GRID2: variants seen among roughly 807,000 people sequenced by gnomAD.
GRID2 encodes the protein glutamate receptor ionotropic, delta-2.
Under a neutral mutation model 114.8 loss-of-function variants are expected in GRID2, and 33 were observed. That is an observed-to-expected ratio of 0.29 (90% CI 0.22 to 0.38). The LOEUF is 0.38. GRID2 is among the 10% of genes least tolerant of loss of function. The probability of loss-of-function intolerance (pLI) is 1.00; values close to 1 mark genes in which losing one functional copy is unlikely to be tolerated. For missense variants in GRID2, 1,184 were observed against 1,257.7 expected (o/e 0.94, Z 0.89); for synonymous variants, 505 against 449.9 (o/e 1.12, Z -1.55).
chr4:92,760,255 A>AG (rs1179645026), intron 2 of GRID2, among the ~76,000 whole-genome samples: 22 of 150,660 alleles, frequency 1.5e-4, no homozygotes, highest in Non-Finnish European at 1.9e-4. Context: ...AAAAAAAAAA[A>AG]AAAAAAGAAA....
intron 2 of GRID2, among the ~76,000 whole-genome samples, chr4:92,949,136 G>GTGTGTGTGTGTGTC (rs555446695): frequency 0.015 from 2,203 of 151,572 alleles, 16 homozygotes; most frequent in East Asian, 0.052. Flanking sequence ...AAGAAAATGT[G>GTGTGTGTGTGTGTC]TGTGTGTGTG....
intron 4 of GRID2, among the ~76,000 whole-genome samples, chr4:93,121,111 G>T (rs1050351858): frequency 9.9e-5 from 15 of 151,968 alleles, no homozygotes; most frequent in Admixed American, 4.6e-4. Flanking sequence ...TAAAAAGGGT[G>T]CCCTGAGTAC....
chr4:93,029,617 A>T lies in GRID2; in HGVS notation c.245-55378A>T, dbSNP rs540247696. The stretch of plus-strand genomic sequence containing the variant: ...AAAATATCATATTTTTAAAAGTTAC[A>T]ATATTTACATTTCAAGATGAGAAAG... On this transcript the variant is annotated intron_variant, in intron 2 of 15. Transcript: ENST00000282020. Among the ~76,000 whole-genome samples the T allele has an allele frequency of 7.2e-5, 11 of 152,272 alleles. No homozygotes were observed. In the South Asian group the frequency reaches 2.3e-3, roughly 32 times the overall value.
chr4:93,039,740 CGGCTCATACTAACCTT>C (rs1725309744), intron 2 of GRID2, among the ~76,000 whole-genome samples: 1 of 152,078 alleles, frequency 6.6e-6, no homozygotes, highest in African/African-American at 2.4e-5. Flanking sequence ...ACTCAAATCC[CGGCTCATACTAACCTT>C]GGTCCTTGGG....
intron 14 of GRID2, among the ~76,000 whole-genome samples, chr4:93,647,764 T>C (rs886528015): frequency 6.6e-5 from 10 of 152,172 alleles, no homozygotes; most frequent in Non-Finnish European, 1.3e-4. Flanking sequence ...ACCATACCTA[T>C]ACTATAACAT....
intron 1 of GRID2, among the ~76,000 whole-genome samples, chr4:92,405,993 A>T (rs1731010006): frequency 6.6e-6 from 1 of 152,130 alleles, no homozygotes; most frequent in African/African-American, 2.4e-5. Context: ...CTTGGAGTCC[A>T]ATGTTCAAGG....
intron 12 of GRID2, among the ~76,000 whole-genome samples, chr4:93,497,930 A>G (rs1326706611): frequency 6.6e-6 from 1 of 151,866 alleles, no homozygotes; most frequent in Non-Finnish European, 1.5e-5. Context: ...CACATTTTTA[A>G]TATGATGAGT....
At chr4:93,803,913 A>G (rs960517569) in intron 1 of GRID2, among the ~76,000 whole-genome samples, 5 of 152,238 alleles carry the variant, frequency 3.3e-5, no homozygotes, top group African/African-American at 4.8e-5. Context: ...GTAAAAAACT[A>G]CAACCATCAT....
At position 92,938,126 on chromosome 4, in the gene GRID2, A is replaced by G. The variant is rs370365995; in HGVS notation, c.245-146869A>G. On this transcript the variant is annotated intron_variant, in intron 2 of 15. Transcript: ENST00000282020. The stretch of plus-strand genomic sequence containing the variant: ...ATTTCTGTTTATTTCTCTTTGTTTT[A>G]TCAATATGGTATAGTACATTGATTG... Among the ~76,000 whole-genome samples the G allele has an allele frequency of 5.4e-4, 79 of 146,832 alleles. 7 individuals are homozygous for G. In the South Asian group the frequency reaches 0.016, roughly 29 times the overall value.
Position 92,955,516 on chromosome 4 carries a change from G to C in GRID2, c.245-129479G>C, listed in dbSNP as rs1473630613. On this transcript the variant is annotated intron_variant, in intron 2 of 15. Coordinates refer to ENST00000282020, the MANE Select transcript of GRID2 (RefSeq NM_001510.4). ...AGTTCATTGTAGATTCTGGATATTA[G>C]CCCTTTGTCAGATGAGTAGGTTGTG... is the stretch of plus-strand genomic sequence containing the variant. Among the ~76,000 whole-genome samples the C allele has an allele frequency of 7.2e-5, 11 of 151,880 alleles. No individual in the cohort carries two copies. The South Asian group carries it at 2.3e-3, about 32-fold the overall frequency.
intron 2 of GRID2, among the ~76,000 whole-genome samples, chr4:93,083,462 G>A (rs1284364658): frequency 6.6e-6 from 1 of 151,874 alleles, no homozygotes; most frequent in Non-Finnish European, 1.5e-5. Flanking sequence ...TGGAGGCCGA[G>A]GCAGGTGGAT....
chr4:93,719,033 A>C (rs1355786542), intron 14 of GRID2, among the ~76,000 whole-genome samples: 1 of 151,920 alleles, frequency 6.6e-6, no homozygotes, highest in Non-Finnish European at 1.5e-5. Flanking sequence ...TTTGGATGAT[A>C]ATATTTATAT....
intron 1 of GRID2, among the ~76,000 whole-genome samples, chr4:92,383,356 TG>T (rs1268100482): frequency 2.6e-5 from 4 of 152,038 alleles, no homozygotes; most frequent in Non-Finnish European, 5.9e-5. Context: ...TTCTAAGTAT[TG>T]TAATTCCTTT....
At chr4:93,351,173 G>T (rs375930313) in intron 8 of GRID2, among the ~76,000 whole-genome samples, 6 of 152,032 alleles carry the variant, frequency 3.9e-5, no homozygotes, top group Non-Finnish European at 7.4e-5. Flanking sequence ...CAGCCAAACC[G>T]TATCAATCAC....
chr4:93,617,029 T>A (rs912117236), intron 13 of GRID2, among the ~76,000 whole-genome samples: 1 of 152,116 alleles, frequency 6.6e-6, no homozygotes, highest in East Asian at 1.9e-4. Context: ...AGAAGATGAT[T>A]TGAAGCTCCA....
At chr4:92,870,367 T>A (rs142740136) in intron 2 of GRID2, among the ~76,000 whole-genome samples, 309 of 152,124 alleles carry the variant, frequency 2.0e-3, no homozygotes, top group African/African-American at 7.1e-3. Context: ...GGACAGCACT[T>A]TTGTTATTTT....
chr4:92,898,579 G>A (rs1051209177), intron 2 of GRID2, among the ~76,000 whole-genome samples: 1 of 152,124 alleles, frequency 6.6e-6, no homozygotes, highest in Non-Finnish European at 1.5e-5. Flanking sequence ...CAGGGGAAAA[G>A]GGTCTTTTAA....
chr4:93,263,834 T>C (rs1750516614), intron 8 of GRID2, among the ~76,000 whole-genome samples: 1 of 152,160 alleles, frequency 6.6e-6, no homozygotes, highest in Admixed American at 6.6e-5. Context: ...AGCAGGCTAC[T>C]ACTGGTCAGT....
intron 9 of GRID2, among the ~76,000 whole-genome samples, chr4:93,396,713 G>A (rs1426064976): frequency 6.6e-6 from 1 of 151,912 alleles, no homozygotes; most frequent in Admixed American, 6.6e-5. Context: ...TCAATAAATG[G>A]TAACTGTTAT....
Sources: gnomAD v4.1 joint callset for allele counts (sites outside exome capture counted in the v4.1 genomes callset) on GRCh38, gnomAD v4.1.1 for gene constraint, MANE v1.5 for transcripts, NCBI Gene and HGNC (gene_info 2026-07-23, HGNC 2026-07-21) for gene names.